GATM: variants seen among roughly 807,000 people sequenced by gnomAD.
GATM encodes the protein glycine amidinotransferase, mitochondrial.
GATM carries 23 observed loss-of-function variants against 54.2 expected under a neutral mutation model. That is an observed-to-expected ratio of 0.42 (90% confidence interval 0.31 to 0.60). The LOEUF (loss-of-function observed/expected upper bound fraction) is 0.60. GATM is among the 20% of genes least tolerant of loss of function. GATM has a pLI of 0.14. For missense variants in GATM, 401 were observed against 544.9 expected (o/e 0.74, Z 2.63); for synonymous variants, 168 against 183.1 (o/e 0.92, Z 0.67).
intron 8 of GATM, among the ~76,000 whole-genome samples, chr15:45,363,352 G>T (rs990908555): frequency 1.2e-4 from 19 of 152,088 alleles, no homozygotes; most frequent in Non-Finnish European, 2.5e-4. Flanking sequence ...AGAATCATTG[G>T]TCTAAATTTT....
chr15:45,376,309 T>C (rs1889632563), intron 2 of GATM, among the ~76,000 whole-genome samples: 1 of 152,156 alleles, frequency 6.6e-6, no homozygotes, highest in Non-Finnish European at 1.5e-5. Flanking sequence ...TAATATTCTG[T>C]TCAACCTTGC....
At position 45,368,204 on chromosome 15, in the gene GATM, C is replaced by T. The variant is rs376982466; in HGVS notation, c.541G>A (p.Glu181Lys). 27 of 1,614,010 alleles carry T rather than the reference C, an allele frequency of 1.7e-5. No individual in the cohort carries two copies. The highest frequency in any genetic ancestry group is 1.9e-5 in the Non-Finnish European group (22 of 1,180,012). Residue 181 changes from glutamate (E) to lysine (K), a missense_variant, in exon 4 of 9, where the codon GAG becomes AAG. Around this residue, in one of 3 missense-constraint regions of GATM, gnomAD observed 321 missense variants for 457.5 expected, o/e 0.70. Coordinates refer to ENST00000396659, the MANE Select transcript of GATM (RefSeq NM_001482.3). The surrounding 1 kb of genome is among the most constrained non-coding windows in gnomAD (Gnocchi z 5.1). ...CGTGAACGCCATGCCATGGGAGCCT[C>T]GATAATCTCATTGCCCACAACTATC... ...ILIVVGNEII[E>K]APMAWRSRFF...
In GATM at chr15:45,376,613, G is replaced by T; in HGVS notation, c.276C>A (p.Thr92=). ...RAENACVPPF[T]IEVKANTYEK... ...AGCCTTCCTTTACCTTCACCTCGAT[G>T]GTGAACGGTGGAACACAGGCGTTTT... Residue 92 remains threonine (T), a synonymous_variant, in exon 2 of 9, where the codon ACC becomes ACA. Transcript: ENST00000396659. The T allele has an allele frequency of 6.2e-7, 1 of 1,614,128 alleles. No homozygotes were observed. Among genetic ancestry groups the T allele is most frequent in the African/African-American group, 1.3e-5 (1 of 75,036 alleles).
Position 45,368,405 on chromosome 15 carries a change from C to T in GATM, c.485-145G>A, listed in dbSNP as rs907919416. 18 of 709,388 alleles carry T rather than the reference C, an allele frequency of 2.5e-5. No homozygotes were observed. The highest frequency in any genetic ancestry group is 4.3e-5 in the Non-Finnish European group (17 of 399,832). 43.9% of individuals were successfully genotyped at this position (709,388 alleles called of 1,614,324 possible). On this transcript the variant is annotated intron_variant, in intron 3 of 8. Transcript: ENST00000396659. This position sits in a 1 kb window ranked among gnomAD's most constrained non-coding sequence, Gnocchi z 5.1. The stretch of plus-strand genomic sequence containing the variant: ...GACGGGCGGATCACTTGATCCTCTT[C>T]AAGAGCAGCCTGGCCAACATGGTCA...
At chr15:45,393,718 T>C (rs1050923391) in intron 3 of GATM, among the ~76,000 whole-genome samples, 3 of 152,300 alleles carry the variant, frequency 2.0e-5, no homozygotes, top group African/African-American at 4.8e-5. Flanking sequence ...TTTGGAATAT[T>C]TGCATTATAC....
intron 4 of GATM, among the ~76,000 whole-genome samples, chr15:45,367,292 G>C (rs1372461152): frequency 1.3e-5 from 2 of 151,426 alleles, no homozygotes; most frequent in African/African-American, 4.8e-5. Flanking sequence ...AGTGAGCCGA[G>C]ATCACGCCAC....
At chr15:45,390,498 A>T (rs369500249) in intron 3 of GATM, among the ~76,000 whole-genome samples, 1 of 152,232 alleles carries the variant, frequency 6.6e-6, no homozygotes, top group African/African-American at 2.4e-5. Flanking sequence ...AGGTATCCAG[A>T]TCACATCAAA....
At chr15:45,398,158 TTA>T in intron 2 of GATM, among the ~76,000 whole-genome samples, 1 of 152,246 alleles carries the variant, frequency 6.6e-6, no homozygotes. Flanking sequence ...AAGGCAAGGA[TTA>T]CAGTGTTTTT....
At chr15:45,364,775 C>T in intron 7 of GATM, 22 bp downstream of exon 7, 1 of 1,595,810 alleles carries the variant, frequency 6.3e-7, no homozygotes, top group Non-Finnish European at 8.6e-7. Context: ...TTTAGTCTAA[C>T]AGTGTATGAA....
At chr15:45,402,115 C>A in exon 1 of GATM, 1 of 379,000 alleles carries the variant, frequency 2.6e-6, no homozygotes, top group African/African-American at 2.1e-5. Flanking sequence ...TATGTAACCA[C>A]CAAAGTACAT....
intron 3 of GATM, among the ~76,000 whole-genome samples, chr15:45,395,929 A>G (rs1889923596): frequency 6.6e-6 from 1 of 152,234 alleles, no homozygotes; most frequent in African/African-American, 2.4e-5. Context: ...TCATTCATTC[A>G]TTCAACATAT....
chr15:45,371,616 T>C (rs989451986), intron 2 of GATM, among the ~76,000 whole-genome samples: 4 of 152,194 alleles, frequency 2.6e-5, no homozygotes, highest in African/African-American at 9.7e-5. Flanking sequence ...TTATTTCACA[T>C]GTAAGGAAAG....
intron 2 of GATM, among the ~76,000 whole-genome samples, chr15:45,374,426 C>A (rs1889593610): frequency 2.0e-5 from 3 of 152,118 alleles, no homozygotes; most frequent in African/African-American, 7.2e-5. Context: ...TAATTTCACC[C>A]AATTAAAATG....
intron 3 of GATM, among the ~76,000 whole-genome samples, chr15:45,385,126 C>G (rs955225871): frequency 6.6e-6 from 1 of 152,172 alleles, no homozygotes; most frequent in Non-Finnish European, 1.5e-5. Context: ...GTTAGTGAAT[C>G]TCTATCATTA....
chr15:45,366,990 T>C (rs926989667), intron 4 of GATM, among the ~76,000 whole-genome samples: 10 of 152,166 alleles, frequency 6.6e-5, no homozygotes, highest in Non-Finnish European at 1.5e-4. Context: ...AGTATCAGCA[T>C]CCACTGAGAG....
chr15:45,368,067 C>T lies in GATM; in HGVS notation c.675+3G>A. On this transcript the variant is annotated splice_donor_region_variant and intron_variant, in intron 4 of 8. Transcript: ENST00000396659. This position sits in a 1 kb window ranked among gnomAD's most constrained non-coding sequence, Gnocchi z 5.1. ...ATAAGCTAGCCTATAATTAGGGACT[C>T]ACCTGGTTATAAAGCTCATCAGCCA... is the stretch of plus-strand genomic sequence containing the variant. 2 of 1,613,682 alleles carry T rather than the reference C, an allele frequency of 1.2e-6. No homozygotes were observed. Among genetic ancestry groups the T allele is most frequent in the Non-Finnish European group, 1.7e-6 (2 of 1,179,722 alleles).
intron 1 of GATM, chr15:45,377,182 A>G: frequency 4.3e-6 from 2 of 469,256 alleles, no homozygotes; most frequent in Non-Finnish European, 8.5e-6. Context: ...AGAAAACCAT[A>G]GACAGCTGCT....
chr15:45,391,498 T>G (rs554647405), intron 3 of GATM, among the ~76,000 whole-genome samples: 10 of 152,336 alleles, frequency 6.6e-5, no homozygotes, highest in African/African-American at 2.4e-4. Flanking sequence ...GCCTAACCGT[T>G]GAGCAAGTAG....
intron 2 of GATM, among the ~76,000 whole-genome samples, chr15:45,399,325 G>A (rs1566847523): frequency 6.6e-6 from 1 of 152,208 alleles, no homozygotes; most frequent in Admixed American, 6.5e-5. Context: ...GTTACTGCTA[G>A]GGTCTCAGTG....
Sources: allele counts gnomAD v4.1 joint callset (sites outside exome capture counted in the v4.1 genomes callset), GRCh38; gene constraint gnomAD v4.1.1; regional missense constraint gnomAD v4.1.1; non-coding constraint Gnocchi (gnomAD v3.1); transcripts MANE v1.5; gene names NCBI Gene and HGNC (gene_info 2026-07-23, HGNC 2026-07-21).